LRRTM3: variants seen among roughly 807,000 people sequenced by gnomAD.
LRRTM3 encodes leucine-rich repeat transmembrane neuronal protein 3.
LRRTM3 carries 24 observed loss-of-function variants against 44.7 expected under a neutral mutation model. The ratio of observed to expected loss-of-function variants is 0.54; its 90% CI spans 0.39 to 0.76. The LOEUF (loss-of-function observed/expected upper bound fraction) is 0.76, where lower values mean the gene tolerates loss of function less well. Among genes scored for constraint, LRRTM3 ranks in the 30% least tolerant of loss-of-function variants. The pLI is 0.00. For synonymous variants in LRRTM3, 277 were observed against 278.7 expected, an observed-to-expected ratio of 0.99 and a Z score of 0.06; for missense variants, 587 against 702.2, an observed-to-expected ratio of 0.84 and a Z score of 1.85.
chr10:67,010,422 A>C (rs1445613045), intron 2 of LRRTM3, among the ~76,000 whole-genome samples: 1 of 152,180 alleles, frequency 6.6e-6, no homozygotes, highest in East Asian at 1.9e-4. Context: ...AAGTAGTGTC[A>C]CCTAATGTTG....
intron 2 of LRRTM3, among the ~76,000 whole-genome samples, chr10:67,049,910 C>T (rs1421017542): frequency 6.6e-6 from 1 of 152,128 alleles, no homozygotes; most frequent in Non-Finnish European, 1.5e-5. Flanking sequence ...TTAGCATATG[C>T]TGTGTTTCAC....
In LRRTM3 at chr10:67,059,440, C is replaced by T. The variant is rs1855629112; in HGVS notation, c.1537-38147C>T. Among the ~76,000 whole-genome samples, 3 of 152,144 alleles carry T rather than the reference C, an allele frequency of 2.0e-5. No individual in the cohort carries two copies. In the South Asian group the frequency reaches 6.2e-4, roughly 32 times the overall value. On this transcript the variant is annotated intron_variant, in intron 2 of 2. Coordinates refer to ENST00000361320, the MANE Select transcript of LRRTM3 (RefSeq NM_178011.5). ...CAAAAATTGGAGGGGTATTTGGGCA[C>T]AGACAGATTGTAAGAGACACTCGAT...
chr10:67,007,843 C>CCA (rs1852096274), intron 2 of LRRTM3, among the ~76,000 whole-genome samples: 1 of 151,806 alleles, frequency 6.6e-6, no homozygotes, highest in African/African-American at 2.4e-5. Flanking sequence ...CTCAAAATAG[C>CCA]CATTATTTCA....
chr10:67,023,740 T>C (rs1049981970), intron 2 of LRRTM3, among the ~76,000 whole-genome samples: 7 of 152,182 alleles, frequency 4.6e-5, no homozygotes, highest in African/African-American at 1.4e-4. Context: ...AAAAATTACA[T>C]AGAATATAAA....
chr10:67,026,755 T>C (rs545865147), intron 2 of LRRTM3, among the ~76,000 whole-genome samples: 1 of 152,316 alleles, frequency 6.6e-6, no homozygotes, highest in South Asian at 2.1e-4. Flanking sequence ...TGGTTCTTAG[T>C]TGTTCAAAGA....
intron 2 of LRRTM3, among the ~76,000 whole-genome samples, chr10:67,053,276 T>C (rs1191262354): frequency 6.6e-6 from 1 of 152,164 alleles, no homozygotes; most frequent in East Asian, 1.9e-4. Context: ...ACGCTAATCT[T>C]AGAACACTAT....
At position 67,100,039 on chromosome 10, in the gene LRRTM3, T is replaced by A. The variant is rs1030054968; in HGVS notation, c.*2243T>A. On this transcript the variant is annotated 3_prime_UTR_variant, in exon 3 of 3. Coordinates refer to ENST00000361320, the MANE Select transcript of LRRTM3 (RefSeq NM_178011.5). Reference sequence around the variant, plus strand: ...AAAGATAGAAAAAGAAGAATTAATTTGTGTAAACAAGCACAAATTAACATA... The same window carrying A: ...AAAGATAGAAAAAGAAGAATTAATTAGTGTAAACAAGCACAAATTAACATA... Among the ~76,000 whole-genome samples the A allele has an allele frequency of 6.6e-6, 1 of 151,794 alleles. No homozygotes were observed. Among genetic ancestry groups the A allele is most frequent in the Non-Finnish European group, 1.5e-5 (1 of 67,808 alleles).
intron 2 of LRRTM3, among the ~76,000 whole-genome samples, chr10:66,999,110 C>T (rs1851534294): frequency 6.6e-6 from 1 of 151,744 alleles, no homozygotes; most frequent in Admixed American, 6.6e-5. Context: ...CACAGAAAAC[C>T]CTCATATTTC....
intron 2 of LRRTM3, among the ~76,000 whole-genome samples, chr10:66,937,378 G>C (rs1209354822): frequency 4.6e-5 from 7 of 152,134 alleles, no homozygotes; most frequent in Admixed American, 3.3e-4. Context: ...AAGATCCTAT[G>C]AAGATTCAAT....
At chr10:66,937,598 C>T (rs898242797) in intron 2 of LRRTM3, among the ~76,000 whole-genome samples, 13 of 152,082 alleles carry the variant, frequency 8.5e-5, no homozygotes, top group Admixed American at 6.6e-4. Context: ...CATCTGGGCA[C>T]GTAGTTAATA....
At chr10:66,963,165 G>C (rs1303639374) in intron 2 of LRRTM3, among the ~76,000 whole-genome samples, 1 of 152,136 alleles carries the variant, frequency 6.6e-6, no homozygotes, top group East Asian at 1.9e-4. Context: ...ATTTGCTATA[G>C]AAATACTGTA....
intron 2 of LRRTM3, among the ~76,000 whole-genome samples, chr10:66,964,395 A>G (rs1235190039): frequency 6.6e-6 from 1 of 152,012 alleles, no homozygotes; most frequent in Non-Finnish European, 1.5e-5. Flanking sequence ...CTTTAAAATT[A>G]CATACATTTT....
At chr10:66,971,888 T>C (rs1219186761) in intron 2 of LRRTM3, among the ~76,000 whole-genome samples, 2 of 152,058 alleles carry the variant, frequency 1.3e-5, no homozygotes, top group Non-Finnish European at 2.9e-5. Flanking sequence ...TTCAACAAGG[T>C]CAGAGCATAT....
chr10:67,053,858 T>A (rs1855268315), intron 2 of LRRTM3, among the ~76,000 whole-genome samples: 1 of 152,212 alleles, frequency 6.6e-6, no homozygotes, highest in Non-Finnish European at 1.5e-5. Context: ...TAAATGAGCA[T>A]GACTTGTATA....
intron 2 of LRRTM3, among the ~76,000 whole-genome samples, chr10:67,066,605 A>G (rs990874485): frequency 2.0e-5 from 3 of 151,324 alleles, no homozygotes; most frequent in Non-Finnish European, 4.4e-5. Context: ...TAGACTGACA[A>G]CCTCTGCAGC....
At chr10:67,079,364 C>T (rs552778999) in intron 2 of LRRTM3, among the ~76,000 whole-genome samples, 3 of 152,252 alleles carry the variant, frequency 2.0e-5, no homozygotes, top group South Asian at 2.1e-4. Flanking sequence ...AGGAACACAG[C>T]GATAGGGCAG....
At chr10:66,974,907 T>G (rs945211540) in intron 2 of LRRTM3, among the ~76,000 whole-genome samples, 3 of 152,150 alleles carry the variant, frequency 2.0e-5, no homozygotes, top group African/African-American at 7.2e-5. Context: ...TACATTTTTT[T>G]TAAGGAGAAA....
chr10:66,973,292 T>C (rs1458386676), intron 2 of LRRTM3, among the ~76,000 whole-genome samples: 2 of 152,122 alleles, frequency 1.3e-5, no homozygotes, highest in African/African-American at 4.8e-5. Context: ...AAATTGACAA[T>C]TAGAAGAAAA....
At chr10:67,057,757 T>C (rs975419105) in intron 2 of LRRTM3, among the ~76,000 whole-genome samples, 2 of 152,052 alleles carry the variant, frequency 1.3e-5, no homozygotes, top group South Asian at 4.1e-4. Context: ...CTTCACTCTC[T>C]CTCCCACTCT....
Sources: gnomAD v4.1 joint callset for allele counts (sites outside exome capture counted in the v4.1 genomes callset) on GRCh38, gnomAD v4.1.1 for gene constraint, MANE v1.5 for transcripts, NCBI Gene and HGNC (gene_info 2026-07-23, HGNC 2026-07-21) for gene names.